Variants in BAIAP2L1 observed in about 807,000 individuals in gnomAD.
BAIAP2L1 encodes the protein BAR/IMD domain-containing adapter protein 2-like 1.
Under a neutral mutation model 66.3 loss-of-function variants are expected in BAIAP2L1, and 35 were observed. The observed-to-expected ratio is 0.53, with a 90% CI of 0.40 to 0.70. The LOEUF is 0.70. Among genes scored for constraint, BAIAP2L1 ranks in the 30% least tolerant of loss-of-function variants. The pLI is 0.00. For synonymous variants in BAIAP2L1, 269 were observed against 248.7 expected, an observed-to-expected ratio of 1.08 and a Z score of -0.77; for missense variants, 622 against 656.9, an observed-to-expected ratio of 0.95 and a Z score of 0.58.
At chr7:98,347,430 T>C (rs1193993583) in intron 3 of BAIAP2L1, among the ~76,000 whole-genome samples, 3 of 152,140 alleles carry the variant, frequency 2.0e-5, no homozygotes, top group Admixed American at 6.5e-5. Context: ...GCCATTACCA[T>C]GCAAAACAGG....
At chr7:98,357,928 T>C (rs1196686218) in intron 2 of BAIAP2L1, among the ~76,000 whole-genome samples, 3 of 152,184 alleles carry the variant, frequency 2.0e-5, no homozygotes, top group East Asian at 3.9e-4. Context: ...TTTCTGATTC[T>C]TTGGTCTCGT....
intron 1 of BAIAP2L1, among the ~76,000 whole-genome samples, chr7:98,385,034 G>GC (rs920435254): frequency 1.1e-4 from 17 of 152,082 alleles, no homozygotes; most frequent in Non-Finnish European, 2.4e-4. Flanking sequence ...CTGGGTGGGT[G>GC]CAGTGGTTCA....
chr7:98,304,431 C>G, intron 11 of BAIAP2L1, 55 bp from the exon 12 acceptor site: 1 of 1,575,354 alleles, frequency 6.3e-7, no homozygotes, highest in South Asian at 1.1e-5. Context: ...CACCAAACCC[C>G]AAACATCCTC....
At chr7:98,357,650 T>C (rs1158852254) in intron 2 of BAIAP2L1, among the ~76,000 whole-genome samples, 1 of 151,134 alleles carries the variant, frequency 6.6e-6, no homozygotes, top group Non-Finnish European at 1.5e-5. Flanking sequence ...CTTTAGGAAA[T>C]GCAATATTCT....
At chr7:98,328,360 A>G (rs1801417617) in intron 3 of BAIAP2L1, among the ~76,000 whole-genome samples, 1 of 152,182 alleles carries the variant, frequency 6.6e-6, no homozygotes, top group Non-Finnish European at 1.5e-5. Flanking sequence ...AGGAAGATGC[A>G]ATGACATCAG....
chr7:98,308,133 C>T (rs985338078), intron 9 of BAIAP2L1: 7 of 643,820 alleles, frequency 1.1e-5, no homozygotes, highest in East Asian at 3.2e-5. Context: ...AGGATCCCTG[C>T]GGCTGCGGGC....
Position 98,350,607 on chromosome 7 carries a change from C to G in BAIAP2L1, c.214+4435G>C, listed in dbSNP as rs560909150. Among the ~76,000 whole-genome samples, 264 of 152,248 alleles carry G rather than the reference C, an allele frequency of 1.7e-3. 1 individual carries two copies. The highest frequency in any genetic ancestry group is 3.1e-3 in the Non-Finnish European group (214 of 68,020). ...CCGGGACACAGAGGTTGCAGTGAGT[C>G]AAGATCGCGCCACTGCACTCCAGCC... On this transcript the variant is annotated intron_variant, in intron 3 of 13. Coordinates refer to ENST00000005260, the MANE Select transcript of BAIAP2L1 (RefSeq NM_018842.5).
intron 3 of BAIAP2L1, among the ~76,000 whole-genome samples, chr7:98,350,748 C>T (rs943638573): frequency 6.6e-6 from 1 of 152,202 alleles, no homozygotes; most frequent in African/African-American, 2.4e-5. Flanking sequence ...CTATTTCTTC[C>T]TCTGTGCTTA....
intron 3 of BAIAP2L1, among the ~76,000 whole-genome samples, chr7:98,343,348 G>A (rs1562777683): frequency 6.6e-6 from 1 of 152,052 alleles, no homozygotes; most frequent in Non-Finnish European, 1.5e-5. Context: ...CTACTTGGGA[G>A]GCTGACGTGG....
chr7:98,325,059 A>G (rs1158591808), intron 3 of BAIAP2L1, among the ~76,000 whole-genome samples: 2 of 152,204 alleles, frequency 1.3e-5, no homozygotes, highest in Non-Finnish European at 2.9e-5. Context: ...TTCTAAAGCT[A>G]TGCTGCAGAG....
intron 12 of BAIAP2L1, among the ~76,000 whole-genome samples, chr7:98,298,485 C>T (rs563009323): frequency 0.015 from 2,328 of 151,740 alleles, 29 homozygotes; most frequent in Non-Finnish European, 0.025. Context: ...TAGTGGCGGG[C>T]GCCTGTAGTC....
chr7:98,356,292 C>A (rs747564491), intron 2 of BAIAP2L1, among the ~76,000 whole-genome samples: 22 of 151,908 alleles, frequency 1.4e-4, no homozygotes, highest in Non-Finnish European at 3.2e-4. Context: ...TGATAGAGAC[C>A]CAGCCTGGTT....
chr7:98,382,126 G>T (rs958159815), intron 1 of BAIAP2L1, among the ~76,000 whole-genome samples: 1 of 152,022 alleles, frequency 6.6e-6, no homozygotes, highest in Non-Finnish European at 1.5e-5. Context: ...GTTTCACCGT[G>T]TTAGTCAGGA....
intron 1 of BAIAP2L1, among the ~76,000 whole-genome samples, chr7:98,385,228 A>C (rs1241220333): frequency 6.6e-6 from 1 of 151,734 alleles, no homozygotes; most frequent in African/African-American, 2.4e-5. Context: ...GGATTATTTG[A>C]ACCCAGGAGG....
chr7:98,371,996 G>C (rs1802520766), intron 1 of BAIAP2L1, among the ~76,000 whole-genome samples: 1 of 152,000 alleles, frequency 6.6e-6, no homozygotes, highest in South Asian at 2.1e-4. Flanking sequence ...GGTTTCACCA[G>C]TGTTAGCCAG....
At chr7:98,313,361 T>C (rs1800948005) in intron 7 of BAIAP2L1, among the ~76,000 whole-genome samples, 3 of 152,034 alleles carry the variant, frequency 2.0e-5, no homozygotes. Context: ...GATGGTTAAG[T>C]CTAAGAAAGA....
At chr7:98,353,724 C>G (rs909188932) in intron 3 of BAIAP2L1, among the ~76,000 whole-genome samples, 1 of 147,074 alleles carries the variant, frequency 6.8e-6, no homozygotes, top group Non-Finnish European at 1.5e-5. Flanking sequence ...CTTTGGTAGG[C>G]TGAGGCAGGA....
intron 1 of BAIAP2L1, among the ~76,000 whole-genome samples, chr7:98,380,565 C>A (rs1049380776): frequency 2.0e-5 from 3 of 151,808 alleles, no homozygotes; most frequent in Non-Finnish European, 4.4e-5. Context: ...CAGGTTCCTC[C>A]CACAACACAT....
intron 3 of BAIAP2L1, among the ~76,000 whole-genome samples, chr7:98,349,710 T>C (rs537709461): frequency 2.0e-5 from 3 of 149,206 alleles, no homozygotes; most frequent in Non-Finnish European, 3.0e-5. Flanking sequence ...CCATCTCTAC[T>C]ACAAAAAAAA....
Sources: gnomAD v4.1 joint callset for allele counts (sites outside exome capture counted in the v4.1 genomes callset) on GRCh38, gnomAD v4.1.1 for gene constraint, MANE v1.5 for transcripts, NCBI Gene and HGNC (gene_info 2026-07-23, HGNC 2026-07-21) for gene names.